Variants in MDGA2 observed in about 807,000 individuals in gnomAD.
The protein encoded by MDGA2 is MAM domain-containing glycosylphosphatidylinositol anchor protein 2.
A neutral mutation model predicts 117.8 loss-of-function variants in MDGA2; 40 were observed. That is an observed-to-expected ratio of 0.34 (90% CI 0.26 to 0.44). The LOEUF (loss-of-function observed/expected upper bound fraction) is 0.44, where lower values mean the gene tolerates loss of function less well. Ranked by LOEUF, MDGA2 falls within the 20% of genes least tolerant of loss-of-function variation. The pLI, the probability that MDGA2 is intolerant of heterozygous loss-of-function variation, is 1.00. For synonymous variants in MDGA2, 452 were observed against 439.0 expected (o/e 1.03, Z -0.37); for missense variants, 1,123 against 1,250.6 (o/e 0.90, Z 1.54).
intron 8 of MDGA2, among the ~76,000 whole-genome samples, chr14:46,982,505 T>TA (rs1886711835): frequency 6.6e-6 from 1 of 151,586 alleles, no homozygotes; most frequent in South Asian, 2.1e-4. Context: ...GGTCAGGAGA[T>TA]AGAGACCATC....
At chr14:47,360,142 T>C (rs1035667906) in intron 1 of MDGA2, among the ~76,000 whole-genome samples, 40 of 151,796 alleles carry the variant, frequency 2.6e-4, no homozygotes, top group Non-Finnish European at 8.8e-5. Context: ...ACCTGAGGTA[T>C]GGAGTTCGAG....
At chr14:47,455,348 A>C (rs531782268) in intron 1 of MDGA2, among the ~76,000 whole-genome samples, 1 of 152,202 alleles carries the variant, frequency 6.6e-6, no homozygotes, top group Non-Finnish European at 1.5e-5. Context: ...TCCACTAAAA[A>C]TACAAAAACT....
intron 6 of MDGA2, among the ~76,000 whole-genome samples, chr14:47,065,761 C>T (rs1426557470): frequency 6.6e-6 from 1 of 152,078 alleles, no homozygotes; most frequent in Non-Finnish European, 1.5e-5. Context: ...GAGGTGTCAG[C>T]TTTTTAGCTT....
rs978466961 is a variant in MDGA2 at position 47,486,146 on chromosome 14, T to C, written c.281-184596A>G. ...GTGAAAGCAGCCAGGAGGGAGGCTA[T>C]ACCCTGCAAAGCCACAGGGGCAGAG... On this transcript the variant is annotated intron_variant, in intron 1 of 16. Transcript: ENST00000399232. 1.2e-4 allele frequency among the ~76,000 whole-genome samples: 18 copies of C among 152,290 alleles called. No individual in the cohort carries two copies. The East Asian group carries it at 2.5e-3, about 21-fold the overall frequency.
chr14:47,213,996 G>A (rs1158595888), intron 3 of MDGA2, among the ~76,000 whole-genome samples: 1 of 152,066 alleles, frequency 6.6e-6, no homozygotes, highest in African/African-American at 2.4e-5. Flanking sequence ...TCTTCACAAG[G>A]AAAAGTACCG....
intron 1 of MDGA2, among the ~76,000 whole-genome samples, chr14:47,562,504 T>C (rs572039329): frequency 1.3e-5 from 2 of 152,218 alleles, no homozygotes; most frequent in East Asian, 3.8e-4. Context: ...CAGTTTCTTC[T>C]AGGTTTTCTA....
At chr14:47,664,620 A>G (rs1897908746) in intron 1 of MDGA2, among the ~76,000 whole-genome samples, 1 of 152,226 alleles carries the variant, frequency 6.6e-6, no homozygotes, top group Non-Finnish European at 1.5e-5. Flanking sequence ...ACGTTACCCA[A>G]CAGTTTTCAA....
chr14:47,596,538 C>G (rs1896546179), intron 1 of MDGA2, among the ~76,000 whole-genome samples: 1 of 152,160 alleles, frequency 6.6e-6, no homozygotes, highest in Non-Finnish European at 1.5e-5. Context: ...TCAGCCTCAC[C>G]TTCCCCACTC....
At chr14:46,900,204 A>G (rs1883231602) in intron 10 of MDGA2, among the ~76,000 whole-genome samples, 1 of 152,160 alleles carries the variant, frequency 6.6e-6, no homozygotes. Flanking sequence ...AAATAGTGAA[A>G]ACGACAAATC....
intron 1 of MDGA2, among the ~76,000 whole-genome samples, chr14:47,561,170 T>TTTTTTTTTTTTTTTTG (rs1895803675): frequency 1.0e-5 from 1 of 100,102 alleles, no homozygotes; most frequent in African/African-American, 3.7e-5. Flanking sequence ...TTTGTTTTTT[T>TTTTTTTTTTTTTTTTG]GTTTGTTTGT....
intron 8 of MDGA2, among the ~76,000 whole-genome samples, chr14:46,976,773 A>T (rs775853001): frequency 6.6e-6 from 1 of 151,854 alleles, no homozygotes; most frequent in African/African-American, 2.4e-5. Context: ...TATTTTTCTA[A>T]AAGTAATTCT....
intron 1 of MDGA2, among the ~76,000 whole-genome samples, chr14:47,343,563 G>A (rs897642586): frequency 6.6e-6 from 1 of 151,864 alleles, no homozygotes; most frequent in Admixed American, 6.6e-5. Context: ...ATAATTAACT[G>A]CCACAGAGTA....
intron 3 of MDGA2, among the ~76,000 whole-genome samples, chr14:47,162,800 C>T (rs540237076): frequency 6.0e-4 from 92 of 152,128 alleles, no homozygotes; most frequent in African/African-American, 2.1e-3. Flanking sequence ...CTAGCACTTC[C>T]TGTCCTAGGC....
At chr14:47,377,065 A>C (rs2138407320) in intron 1 of MDGA2, among the ~76,000 whole-genome samples, 1 of 152,284 alleles carries the variant, frequency 6.6e-6, no homozygotes, top group East Asian at 1.9e-4. Flanking sequence ...AATGAAATTA[A>C]CATTAAAAAG....
chr14:47,018,768 C>T, intron 8 of MDGA2, among the ~76,000 whole-genome samples: 1 of 77,094 alleles, frequency 1.3e-5, no homozygotes, highest in African/African-American at 4.2e-5. Flanking sequence ...AAAAAGTCTC[C>T]ATTGAGAGAA....
chr14:47,391,271 C>T (rs893951058), intron 1 of MDGA2, among the ~76,000 whole-genome samples: 5 of 152,120 alleles, frequency 3.3e-5, no homozygotes, highest in Admixed American at 1.3e-4. Flanking sequence ...GTAGATTTGC[C>T]GAAGGGAGAA....
At chr14:47,256,893 AAAG>A (rs1269610481) in intron 2 of MDGA2, among the ~76,000 whole-genome samples, 31 of 151,918 alleles carry the variant, frequency 2.0e-4, no homozygotes, top group Admixed American at 2.0e-3. Flanking sequence ...AAGAAAGAAA[AAAG>A]AAGGAAAGAA....
chr14:46,966,574 T>C (rs1015974105), intron 8 of MDGA2, among the ~76,000 whole-genome samples: 4 of 152,118 alleles, frequency 2.6e-5, no homozygotes, highest in African/African-American at 9.7e-5. Flanking sequence ...AAATTCAAAC[T>C]GCAGTTTATA....
chr14:47,063,671 A>G (rs930835287), intron 6 of MDGA2, among the ~76,000 whole-genome samples: 1 of 151,984 alleles, frequency 6.6e-6, no homozygotes, highest in South Asian at 2.1e-4. Flanking sequence ...GTTTCCCTTC[A>G]TTTGCTAAGA....
Sources: gnomAD v4.1 joint callset for allele counts (sites outside exome capture counted in the v4.1 genomes callset) on GRCh38, gnomAD v4.1.1 for gene constraint, MANE v1.5 for transcripts, NCBI Gene and HGNC (gene_info 2026-07-23, HGNC 2026-07-21) for gene names.